The following NECTIN3 variants were observed in gnomAD, a reference collection of about 807,000 sequenced individuals.
NECTIN3 encodes the protein nectin cell adhesion molecule 3.
NECTIN3 carries 8 observed loss-of-function variants against 49.4 expected under a neutral mutation model. The ratio of observed to expected loss-of-function variants is 0.16; its 90% CI spans 0.10 to 0.29. The LOEUF (loss-of-function observed/expected upper bound fraction) is 0.29. Ranked by LOEUF, NECTIN3 falls within the 10% of genes least tolerant of loss-of-function variation. The pLI, the probability that NECTIN3 is intolerant of heterozygous loss-of-function variation, is 1.00. For synonymous variants in NECTIN3, 277 were observed against 241.1 expected (o/e 1.15, Z -1.38); for missense variants, 581 against 654.6 (o/e 0.89, Z 1.23).
intron 1 of NECTIN3, among the ~76,000 whole-genome samples, chr3:111,106,379 T>C (rs1029138273): frequency 6.6e-6 from 1 of 152,202 alleles, no homozygotes. Context: ...ATTCCAGAAT[T>C]ATCATTTCTA....
chr3:111,119,348 G>T (rs1488748441), intron 3 of NECTIN3, among the ~76,000 whole-genome samples: 1 of 152,122 alleles, frequency 6.6e-6, no homozygotes, highest in Non-Finnish European at 1.5e-5. Context: ...ATGGAATCTT[G>T]CTCTGCCGCC....
intron 3 of NECTIN3, among the ~76,000 whole-genome samples, chr3:111,119,704 A>G (rs1020276295): frequency 1.3e-5 from 2 of 152,292 alleles, no homozygotes; most frequent in Admixed American, 6.5e-5. Context: ...ATTCTTTGTG[A>G]TTTGTATACC....
upstream of NECTIN3, among the ~76,000 whole-genome samples, chr3:111,190,743 C>T (rs2035800127): frequency 6.6e-6 from 1 of 152,146 alleles, no homozygotes; most frequent in African/African-American, 2.4e-5. Context: ...AATTAGGTTT[C>T]AACATATGAA....
intron 4 of NECTIN3, among the ~76,000 whole-genome samples, chr3:111,124,695 C>T (rs922847687): frequency 1.3e-5 from 2 of 152,004 alleles, no homozygotes; most frequent in Non-Finnish European, 1.5e-5. Flanking sequence ...ATTATTTTAC[C>T]ACTCACTACA....
chr3:111,119,988 T>C (rs949455998), intron 3 of NECTIN3, among the ~76,000 whole-genome samples: 1 of 152,190 alleles, frequency 6.6e-6, no homozygotes, highest in Non-Finnish European at 1.5e-5. Context: ...TCAACCTTTA[T>C]AGGGTTAACT....
downstream of NECTIN3, among the ~76,000 whole-genome samples, chr3:111,141,519 C>T (rs2034744845): frequency 6.6e-6 from 1 of 151,606 alleles, no homozygotes; most frequent in South Asian, 2.1e-4. Context: ...TAATGAAAGT[C>T]ATTTCTTATA....
chr3:111,157,427 G>A (rs1389419971), intron 7 of NECTIN3, among the ~76,000 whole-genome samples: 1 of 152,038 alleles, frequency 6.6e-6, no homozygotes, highest in Non-Finnish European at 1.5e-5. Context: ...GATCCAGCTT[G>A]AGTTCATTTA....
rs2034518601 is a variant in NECTIN3 at position 111,134,729 on chromosome 3, T to C, written c.*514T>C. The C allele has an allele frequency of 2.2e-6, 2 of 908,026 alleles. No individual in the cohort carries two copies. Among genetic ancestry groups the C allele is most frequent in the Admixed American group, 6.2e-5 (1 of 16,096 alleles). 56.2% of individuals were successfully genotyped at this position (908,026 alleles called of 1,614,324 possible). On this transcript the variant is annotated 3_prime_UTR_variant, in exon 6 of 6. Transcript: ENST00000485303. ...ACAAAAAATATTTAGCCTGATGGAA[T>C]GGCTTTCCTTTTCAAACATTATTTT...
chr3:111,176,228 C>CTACA (rs1702560958), intron 7 of NECTIN3, among the ~76,000 whole-genome samples: 1 of 152,208 alleles, frequency 6.6e-6, no homozygotes, highest in East Asian at 1.9e-4. Flanking sequence ...AATAGTGACA[C>CTACA]TGTAGGGTGC....
At chr3:111,095,290 A>G (rs911510389) in intron 1 of NECTIN3, among the ~76,000 whole-genome samples, 3 of 151,756 alleles carry the variant, frequency 2.0e-5, no homozygotes, top group Non-Finnish European at 2.9e-5. Context: ...TGCTTTTCAG[A>G]AAAGGTTCCA....
chr3:111,126,977 A>G (rs1455852251), intron 5 of NECTIN3, among the ~76,000 whole-genome samples: 1 of 152,172 alleles, frequency 6.6e-6, no homozygotes, highest in Non-Finnish European at 1.5e-5. Flanking sequence ...ATAGAGAGCT[A>G]AAAATACATC....
intron 2 of NECTIN3, among the ~76,000 whole-genome samples, chr3:111,116,386 A>T (rs2033690986): frequency 6.6e-6 from 1 of 152,180 alleles, no homozygotes; most frequent in South Asian, 2.1e-4. Flanking sequence ...TTCTAAATCC[A>T]TAGCCTAGGA....
intron 1 of NECTIN3, among the ~76,000 whole-genome samples, chr3:111,101,528 C>T (rs954969012): frequency 2.0e-5 from 3 of 152,028 alleles, no homozygotes; most frequent in Non-Finnish European, 4.4e-5. Context: ...AATTTTTTAG[C>T]TTCATAGAAA....
In NECTIN3 at chr3:111,144,539, A is replaced by G. The variant is rs141892299; in HGVS notation, c.1001-360A>G. ...AATGTCTGTATTACTGGTCGTTTAT[A>G]TTAGAGAATATTGATTTTTAAAATT... On this transcript the variant is annotated intron_variant, in intron 5 of 8. Transcript: ENST00000493615. Among the ~76,000 whole-genome samples the G allele has an allele frequency of 7.0e-3, 1,058 of 152,094 alleles. 13 individuals are homozygous for G. The highest frequency in any genetic ancestry group is 0.024 in the African/African-American group (1,004 of 41,528).
chr3:111,189,080 T>C (rs888253071), upstream of NECTIN3, among the ~76,000 whole-genome samples: 2 of 152,216 alleles, frequency 1.3e-5, no homozygotes, highest in Admixed American at 6.5e-5. Flanking sequence ...AACATGATTG[T>C]ACTACTGTTA....
At chr3:111,131,747 T>C (rs977781104) in intron 5 of NECTIN3, among the ~76,000 whole-genome samples, 1 of 151,900 alleles carries the variant, frequency 6.6e-6, no homozygotes, top group Non-Finnish European at 1.5e-5. Flanking sequence ...GTTTCATTAT[T>C]TAGGATACTT....
At chr3:111,156,885 G>A (rs1023355692) in intron 7 of NECTIN3, among the ~76,000 whole-genome samples, 1 of 152,018 alleles carries the variant, frequency 6.6e-6, no homozygotes, top group African/African-American at 2.4e-5. Flanking sequence ...ATCCACTTAG[G>A]TTTTTGTATA....
intron 7 of NECTIN3, among the ~76,000 whole-genome samples, chr3:111,182,351 T>G (rs894862206): frequency 2.0e-5 from 3 of 152,126 alleles, no homozygotes; most frequent in Non-Finnish European, 4.4e-5. Flanking sequence ...TCAAGTTGGT[T>G]GATAGTGTTG....
In NECTIN3 at chr3:111,134,966, T is replaced by A; in HGVS notation, c.*751T>A. ...TAAAATACATACCTTTCAAACATGATAATTATTAGTTTTTTTTTTTCCTTT... is the reference window on the plus strand; with the variant it reads ...TAAAATACATACCTTTCAAACATGAAAATTATTAGTTTTTTTTTTTCCTTT... On this transcript the variant is annotated 3_prime_UTR_variant, in exon 6 of 6. Coordinates refer to ENST00000485303, the MANE Select transcript of NECTIN3 (RefSeq NM_015480.3). 8.2e-6 allele frequency: 8 copies of A among 978,628 alleles called. No homozygotes were observed. The highest frequency in any genetic ancestry group is 9.7e-6 in the Non-Finnish European group (8 of 825,410). 60.6% of individuals were successfully genotyped at this position (978,628 alleles called of 1,614,324 possible). A position where few individuals can be genotyped will look rare whatever the true frequency, so the allele number is the denominator to read the frequency against.
Sources: gnomAD v4.1 joint callset for allele counts (sites outside exome capture counted in the v4.1 genomes callset) on GRCh38, gnomAD v4.1.1 for gene constraint, MANE v1.5 for transcripts, NCBI Gene and HGNC (gene_info 2026-07-23, HGNC 2026-07-21) for gene names.